NUP58: variants seen among roughly 807,000 people sequenced by gnomAD.
The protein encoded by NUP58 is nucleoporin 58.
A neutral mutation model predicts 70.1 loss-of-function variants in NUP58; 17 were observed. The ratio of observed to expected loss-of-function variants is 0.24; its 90% CI spans 0.17 to 0.36. The LOEUF is 0.36. Ranked by LOEUF, NUP58 falls within the 10% of genes least tolerant of loss-of-function variation. The probability of loss-of-function intolerance (pLI) is 1.00; values close to 1 mark genes in which losing one functional copy is unlikely to be tolerated. For synonymous variants in NUP58, 275 were observed against 257.6 expected (o/e 1.07, Z -0.65); for missense variants, 644 against 701.5 (o/e 0.92, Z 0.93).
At chr13:25,335,479 T>C in intron 13 of NUP58, 22 of 985,100 alleles carry the variant, frequency 2.2e-5, no homozygotes, top group Non-Finnish European at 2.7e-5. Flanking sequence ...TCAGAAAGTA[T>C]AATAATATGC....
chr13:25,345,149 A>G (rs2032033197), downstream of NUP58, among the ~76,000 whole-genome samples: 1 of 152,334 alleles, frequency 6.6e-6, no homozygotes, highest in South Asian at 2.1e-4. Context: ...TACTGTGTAA[A>G]GCAGAAATAC....
intron 13 of NUP58, chr13:25,332,700 T>C: frequency 1.0e-6 from 1 of 985,442 alleles, no homozygotes; most frequent in Non-Finnish European, 1.2e-6. Flanking sequence ...TGCCAAATCC[T>C]CCATATCCCG....
intron 1 of NUP58, among the ~76,000 whole-genome samples, chr13:25,302,538 T>G (rs564555368): frequency 2.0e-5 from 3 of 152,372 alleles, no homozygotes; most frequent in Admixed American, 2.0e-4. Flanking sequence ...GGTAGCATGT[T>G]CCTTGTTTTT....
intron 13 of NUP58, chr13:25,332,201 T>A: frequency 1.0e-6 from 1 of 985,720 alleles, no homozygotes; most frequent in Non-Finnish European, 1.2e-6. Flanking sequence ...GGATTGCACA[T>A]TAAGGAGCAA....
At chr13:25,335,199 A>G (rs1389439104) in intron 13 of NUP58, 18 of 985,068 alleles carry the variant, frequency 1.8e-5, no homozygotes, top group Non-Finnish European at 1.9e-5. Flanking sequence ...TGTGCAATGG[A>G]AAGTCTTGTC....
chr13:25,338,936 A>G (rs1293860077), intron 15 of NUP58: 1 of 371,952 alleles, frequency 2.7e-6, no homozygotes, highest in Non-Finnish European at 4.8e-6. Flanking sequence ...TACTTCTAAC[A>G]AGACTTCTTA....
chr13:25,340,229 GATTT>G lies in NUP58; in HGVS notation c.*98_*101del. ...GCAGTAATTAAATTGCATCCCAGGA[GATTT>G]ATAAAGTTTTGATATTTTTCCCTAC... On this transcript the variant is annotated 3_prime_UTR_variant, in exon 16 of 16. Coordinates refer to ENST00000381736, the MANE Select transcript of NUP58 (RefSeq NM_014089.4). 3 of 1,160,582 alleles carry G rather than the reference GATTT, an allele frequency of 2.6e-6. No homozygotes were observed. The highest frequency in any genetic ancestry group is 2.3e-6 in the Non-Finnish European group (2 of 870,838). 71.9% of individuals were successfully genotyped at this position (1,160,582 alleles called of 1,614,324 possible).
At chr13:25,312,689 A>G (rs761404207) in intron 3 of NUP58, among the ~76,000 whole-genome samples, 194 bp from the exon 4 acceptor site, 2 of 152,162 alleles carry the variant, frequency 1.3e-5, no homozygotes, top group African/African-American at 4.8e-5. Flanking sequence ...TTTCTTAAAG[A>G]GCCATCTTTT....
At position 25,315,601 on chromosome 13, in the gene NUP58, C is replaced by T. The variant is rs753377807; in HGVS notation, c.685+134C>T. ...ACAGTTAGCTATCTTAATGTGTATA[C>T]GAATATGTATTTTTTAATAGGGATC... On this transcript the variant is annotated intron_variant, in intron 6 of 15. Coordinates refer to ENST00000381736, the MANE Select transcript of NUP58 (RefSeq NM_014089.4). 181 of 613,972 alleles carry T rather than the reference C, an allele frequency of 2.9e-4. 1 individual carries two copies. The highest frequency in any genetic ancestry group is 4.0e-4 in the Non-Finnish European group (136 of 341,830). 38.0% of individuals were successfully genotyped at this position (613,972 alleles called of 1,614,324 possible). A position where few individuals can be genotyped will look rare whatever the true frequency, so the allele number is the denominator to read the frequency against.
At chr13:25,324,250 G>A (rs2137786832) in intron 9 of NUP58, among the ~76,000 whole-genome samples, 1 of 152,282 alleles carries the variant, frequency 6.6e-6, no homozygotes, top group South Asian at 2.1e-4. Context: ...AAGAGATGTT[G>A]CTACAGGGAA....
In NUP58 at chr13:25,319,368, C is replaced by T. The variant is rs776857579; in HGVS notation, c.710+18C>T. The T allele has an allele frequency of 2.5e-6, 4 of 1,603,290 alleles. No homozygotes were observed. Among genetic ancestry groups the T allele is most frequent in the Admixed American group, 3.3e-5 (2 of 59,918 alleles). ...AGACCAGAGTAAGTTTACAAATTTA[C>T]CCTTAAGGCATTTTAATTGAAGAGT... On this transcript the variant is annotated intron_variant, in intron 7 of 15. Transcript: ENST00000381736.
intron 2 of NUP58, 125 bp downstream of exon 2, chr13:25,308,073 G>A (rs1382073116): frequency 9.2e-7 from 1 of 1,084,298 alleles, no homozygotes; most frequent in African/African-American, 1.6e-5. Context: ...TAAATGCTAA[G>A]ATGAAAAGAA....
intron 12 of NUP58, among the ~76,000 whole-genome samples, chr13:25,329,719 C>CT (rs1281440092): frequency 5.3e-5 from 8 of 152,120 alleles, no homozygotes; most frequent in African/African-American, 1.9e-4. Flanking sequence ...CAGGCGTTAA[C>CT]TATTCTATCC....
In NUP58 at chr13:25,311,812, G is replaced by A. The variant is rs73466658; in HGVS notation, c.287-1071G>A. ...TATGGCCTAAGCTAAGGTTTTTAAG[G>A]ATGCTTGTAGTACAGGATATTTCTG... On this transcript the variant is annotated intron_variant, in intron 3 of 15. Coordinates refer to ENST00000381736, the MANE Select transcript of NUP58 (RefSeq NM_014089.4). 4.9e-3 allele frequency among the ~76,000 whole-genome samples: 751 copies of A among 152,064 alleles called. 4 individuals are homozygous for A. The highest frequency in any genetic ancestry group is 0.017 in the African/African-American group (703 of 41,476).
At chr13:25,304,516 A>ATATATATATATATATATG (rs1491109872) in intron 1 of NUP58, among the ~76,000 whole-genome samples, 1 of 52,244 alleles carries the variant, frequency 1.9e-5, no homozygotes, top group African/African-American at 5.7e-5. Flanking sequence ...ATATATATAT[A>ATATATATATATATATATG]TGTATTTTTT....
At chr13:25,309,348 C>A (rs1352623260) in intron 3 of NUP58, 66 bp downstream of exon 3, 1 of 1,180,128 alleles carries the variant, frequency 8.5e-7, no homozygotes, top group Non-Finnish European at 1.2e-6. Flanking sequence ...ATTGAGTGAT[C>A]TTTCTACTCT....
At chr13:25,301,904 T>G (rs780834325) in intron 1 of NUP58, 24 bp downstream of exon 1, 7 of 1,517,966 alleles carry the variant, frequency 4.6e-6, no homozygotes, top group Non-Finnish European at 6.4e-6. Context: ...CTCGCCTTCC[T>G]GGGCCGGATT....
At chr13:25,334,421 A>G in intron 13 of NUP58, 1 of 985,386 alleles carries the variant, frequency 1.0e-6, no homozygotes, top group Non-Finnish European at 1.2e-6. Context: ...ACGTTTTGTT[A>G]GGAATTCCTA....
At chr13:25,343,108 G>T (rs117371388), downstream of NUP58, among the ~76,000 whole-genome samples, 784 of 151,700 alleles carry the variant, frequency 5.2e-3, 33 homozygotes, top group East Asian at 0.093. Context: ...TGAGATTTTG[G>T]TACACCCATC....
Sources: gnomAD v4.1 joint callset for allele counts (sites outside exome capture counted in the v4.1 genomes callset) on GRCh38, gnomAD v4.1.1 for gene constraint, MANE v1.5 for transcripts, NCBI Gene and HGNC (gene_info 2026-07-23, HGNC 2026-07-21) for gene names.